Variants in NEURL1 observed in about 807,000 individuals in gnomAD.
NEURL1 encodes E3 ubiquitin-protein ligase NEURL1.
In NEURL1, 26 loss-of-function variants were observed where a neutral mutation model predicts 41.2. The ratio of observed to expected loss-of-function variants is 0.63; its 90% CI spans 0.46 to 0.87. The LOEUF (loss-of-function observed/expected upper bound fraction) is 0.87, where lower values mean the gene tolerates loss of function less well. Ranked by LOEUF, NEURL1 falls within the 40% of genes least tolerant of loss-of-function variation. The pLI, the probability that NEURL1 is intolerant of heterozygous loss-of-function variation, is 0.00. For missense variants in NEURL1, 761 were observed against 871.1 expected, an observed-to-expected ratio of 0.87 and a Z score of 1.59; for synonymous variants, 400 against 402.3, an observed-to-expected ratio of 0.99 and a Z score of 0.07.
At chr10:103,579,180 A>G (rs539446705) in intron 3 of NEURL1, among the ~76,000 whole-genome samples, 1 of 152,288 alleles carries the variant, frequency 6.6e-6, no homozygotes, top group East Asian at 1.9e-4. Flanking sequence ...GGCCCTCCTC[A>G]GTCTGTCTCC....
At chr10:103,589,366 A>G in intron 4 of NEURL1, 148 bp from the exon 5 acceptor site, 1 of 791,048 alleles carries the variant, frequency 1.3e-6, no homozygotes, top group Non-Finnish European at 1.9e-6. Context: ...ATATCAAATG[A>G]TCCCCGCGCC....
chr10:103,518,431 T>G (rs567891977), intron 1 of NEURL1, among the ~76,000 whole-genome samples: 2 of 152,274 alleles, frequency 1.3e-5, no homozygotes, highest in Admixed American at 6.5e-5. Context: ...CAGGCACTGT[T>G]CTAAGTACTA....
intron 1 of NEURL1, among the ~76,000 whole-genome samples, chr10:103,551,342 G>A (rs1000009401): frequency 1.4e-4 from 18 of 130,684 alleles, no homozygotes; most frequent in South Asian, 9.2e-4. Flanking sequence ...TCGCTCTGTC[G>A]CCCAGGCTGG....
intron 1 of NEURL1, among the ~76,000 whole-genome samples, chr10:103,515,103 CTG>C (rs2034169218): frequency 6.6e-6 from 1 of 151,962 alleles, no homozygotes; most frequent in African/African-American, 2.4e-5. Flanking sequence ...TGATGGGCAC[CTG>C]TAATCCCAGC....
chr10:103,524,355 A>T (rs1265379854), intron 1 of NEURL1, among the ~76,000 whole-genome samples: 1 of 152,174 alleles, frequency 6.6e-6, no homozygotes, highest in Non-Finnish European at 1.5e-5. Context: ...ACCCCTTGTC[A>T]GATGAATAGT....
intron 1 of NEURL1, among the ~76,000 whole-genome samples, chr10:103,514,648 GCA>G (rs2034157005): frequency 6.6e-6 from 1 of 152,204 alleles, no homozygotes. Context: ...GTAGCCCCTG[GCA>G]CTGTGGCAAG....
chr10:103,536,514 A>T (rs2034695861), intron 1 of NEURL1, among the ~76,000 whole-genome samples: 1 of 152,190 alleles, frequency 6.6e-6, no homozygotes, highest in Non-Finnish European at 1.5e-5. Context: ...ATTGCACTCC[A>T]GCCTGGGTGA....
At chr10:103,586,472 T>C (rs2035926625) in intron 4 of NEURL1, among the ~76,000 whole-genome samples, 1 of 152,170 alleles carries the variant, frequency 6.6e-6, no homozygotes, top group South Asian at 2.1e-4. Context: ...TTAGTAAGTA[T>C]GCTTACCCAA....
intron 1 of NEURL1, among the ~76,000 whole-genome samples, chr10:103,547,822 G>A (rs2034953996): frequency 6.6e-6 from 1 of 151,826 alleles, no homozygotes; most frequent in Non-Finnish European, 1.5e-5. Context: ...ATCCAGGCAG[G>A]CCCATCAGGG....
chr10:103,515,546 AG>A (rs1315537855), intron 1 of NEURL1: 1 of 152,242 alleles, frequency 6.6e-6, no homozygotes, highest in Non-Finnish European at 1.5e-5. Context: ...CAGTCATGCT[AG>A]TACATTAGCC....
intron 1 of NEURL1, among the ~76,000 whole-genome samples, chr10:103,553,724 G>A (rs554410147): frequency 5.5e-4 from 84 of 152,350 alleles, no homozygotes; most frequent in Non-Finnish European, 1.1e-3. Context: ...TCCATCTGCT[G>A]TGGGACAGCC....
intron 3 of NEURL1, among the ~76,000 whole-genome samples, chr10:103,580,314 A>G (rs548984808): frequency 6.6e-6 from 1 of 152,262 alleles, no homozygotes; most frequent in Admixed American, 6.5e-5. Context: ...CTCTGTTCCC[A>G]TCATAAACAC....
chr10:103,565,942 C>T (rs751878712), intron 1 of NEURL1, among the ~76,000 whole-genome samples: 2 of 152,048 alleles, frequency 1.3e-5, no homozygotes, highest in African/African-American at 2.4e-5. Context: ...CCTGAGCCAC[C>T]GCACCCAGCC....
At chr10:103,546,544 G>A (rs1453126620) in intron 1 of NEURL1, among the ~76,000 whole-genome samples, 2 of 152,198 alleles carry the variant, frequency 1.3e-5, no homozygotes, top group East Asian at 1.9e-4. Flanking sequence ...TCCAGTAGGT[G>A]TGTTTCTAAA....
Position 103,585,134 on chromosome 10 carries a change from G to A in NEURL1, c.1248G>A (p.Ala416=), listed in dbSNP as rs1218122432. 6.3e-7 allele frequency: 1 copy of A among 1,591,038 alleles called. No homozygotes were observed. Residue 416 remains alanine (A), a synonymous_variant, in exon 4 of 6, where the codon GCG becomes GCA. Transcript: ENST00000369780. The part of the protein sequence containing the change: ...DGELHLSHNG[A]AAGMQLCVDA... Reference sequence around the variant, plus strand: ...AGCTGCACCTCAGCCACAATGGCGCGGCCGCCGGCATGCAGCTGTGCGTGG... The same window carrying A: ...AGCTGCACCTCAGCCACAATGGCGCAGCCGCCGGCATGCAGCTGTGCGTGG...
In NEURL1 at chr10:103,566,982, CTT is replaced by C. The variant is rs796658971; in HGVS notation, c.86-3877_86-3876del. 1.3e-4 allele frequency among the ~76,000 whole-genome samples: 18 copies of C among 142,364 alleles called. No homozygotes were observed. The highest frequency in any genetic ancestry group is 1.7e-4 in the Non-Finnish European group (11 of 64,658). 93.4% of individuals were successfully genotyped at this position (142,364 alleles called of 152,430 possible). The stretch of plus-strand genomic sequence containing the variant: ...GAAACTTTGTTTCTTTTCTTTCTTT[CTT>C]TTTTTTTTTTTTGTTTGAGACAGAG... On this transcript the variant is annotated intron_variant, in intron 1 of 5. Coordinates refer to ENST00000369780, the MANE Select transcript of NEURL1 (RefSeq NM_004210.5). This position sits in a 1 kb window ranked among gnomAD's most constrained non-coding sequence, Gnocchi z 4.2.
chr10:103,514,884 TCTCCC>T (rs2034163030), intron 1 of NEURL1, among the ~76,000 whole-genome samples: 3 of 151,794 alleles, frequency 2.0e-5, no homozygotes, highest in Non-Finnish European at 4.4e-5. Flanking sequence ...GACAGCCCCC[TCTCCC>T]CATCCACCTC....
Position 103,558,149 on chromosome 10 carries a change from T to C in NEURL1, c.86-12723T>C. ...TGTGTCGGCCTCCCAAAGTGCTGGG[T>C]TTACAGGTGTGAGCCACCGCGCTTG... is the stretch of plus-strand genomic sequence containing the variant. On this transcript the variant is annotated intron_variant, in intron 1 of 5. Transcript: ENST00000369780. This position sits in a 1 kb window ranked among gnomAD's most constrained non-coding sequence, Gnocchi z 4.2. 1 of 983,886 alleles carries C rather than the reference T, an allele frequency of 1.0e-6. No homozygotes were observed. The highest frequency in any genetic ancestry group is 1.2e-6 in the Non-Finnish European group (1 of 828,590). The allele number at this position is 983,886 out of a possible 1,614,324, so 60.9% of individuals were successfully genotyped here. A position where few individuals can be genotyped will look rare whatever the true frequency, so the allele number is the denominator to read the frequency against.
At position 103,585,024 on chromosome 10, in the gene NEURL1, C is replaced by G. The variant is rs2035885116; in HGVS notation, c.1138C>G (p.Arg380Gly). 6.3e-7 allele frequency: 1 copy of G among 1,583,648 alleles called. No homozygotes were observed. Among genetic ancestry groups the G allele is most frequent in the Non-Finnish European group, 8.5e-7 (1 of 1,173,208 alleles). ...TTTCAGCCCTGAGGCCCTGGTGGAC[C>G]GCAAGGAATTCTGGGCCGTGTGCCG... ...LPFSPEALVD[R>G]KEFWAVCRVP... The change falls in exon 4 of 6, where the codon CGC (arginine) becomes GGC (glycine). Residue 380 changes from arginine (R) to glycine (G), a missense_variant. By Grantham distance (125) the Arg-to-Gly change is moderately radical (BLOSUM62 -2). This residue lies in a region of NEURL1 where 443 missense variants were observed against 408.1 expected (regional missense o/e 1.09). Coordinates refer to ENST00000369780, the MANE Select transcript of NEURL1 (RefSeq NM_004210.5).
Sources: allele counts gnomAD v4.1 joint callset (sites outside exome capture counted in the v4.1 genomes callset), GRCh38; gene constraint gnomAD v4.1.1; regional missense constraint gnomAD v4.1.1; non-coding constraint Gnocchi (gnomAD v3.1); transcripts MANE v1.5; gene names NCBI Gene and HGNC (gene_info 2026-07-23, HGNC 2026-07-21).